Variants in RASGEF1A observed in about 807,000 individuals in gnomAD.
RASGEF1A encodes RasGEF domain family member 1A, also known as ras-GEF domain-containing family member 1A.
In RASGEF1A, 18 loss-of-function variants were observed where a neutral mutation model predicts 56.4. The observed-to-expected ratio is 0.32, with a 90% confidence interval of 0.22 to 0.47. RASGEF1A has a LOEUF of 0.47. RASGEF1A is among the 20% of genes least tolerant of loss of function. The probability of loss-of-function intolerance (pLI) is 1.00; values close to 1 mark genes in which losing one functional copy is unlikely to be tolerated. For synonymous variants in RASGEF1A, 245 were observed against 242.6 expected, an observed-to-expected ratio of 1.01 and a Z score of -0.09; for missense variants, 422 against 627.1, an observed-to-expected ratio of 0.67 and a Z score of 3.49.
intron 1 of RASGEF1A, among the ~76,000 whole-genome samples, chr10:43,230,306 A>G (rs1310338901): frequency 6.6e-6 from 1 of 152,124 alleles, no homozygotes; most frequent in Non-Finnish European, 1.5e-5. Flanking sequence ...GGGACACGGC[A>G]GCTGCTTTTG....
rs118022429 is a variant in RASGEF1A, at chr10:43,216,173, C to T, written c.-6-10051G>A. Among the ~76,000 whole-genome samples, 1,345 of 152,278 alleles carry T rather than the reference C, an allele frequency of 8.8e-3. 11 individuals are homozygous for T. The highest frequency in any genetic ancestry group is 0.013 in the Admixed American group (202 of 15,304). ...AGGCTGCCCCCCAACCTGGCCTGGT[C>T]CCCACCCTGCCAGGAGCGGGGGCGC... On this transcript the variant is annotated intron_variant, in intron 1 of 12. Transcript: ENST00000395810.
intron 1 of RASGEF1A, among the ~76,000 whole-genome samples, chr10:43,211,937 G>A (rs559842476): frequency 6.6e-6 from 1 of 152,320 alleles, no homozygotes; most frequent in South Asian, 2.1e-4. Flanking sequence ...GGAAGCTAGT[G>A]CGGTTGTGTG....
chr10:43,228,489 C>T (rs1016250112), intron 1 of RASGEF1A, among the ~76,000 whole-genome samples: 1 of 152,204 alleles, frequency 6.6e-6, no homozygotes, highest in Admixed American at 6.5e-5. Context: ...CATTTAAATG[C>T]CAGTGCAGGG....
At chr10:43,229,740 C>A in intron 1 of RASGEF1A, 1 of 1,334,390 alleles carries the variant, frequency 7.5e-7, no homozygotes, top group South Asian at 1.8e-5. Flanking sequence ...AGCAAGCACC[C>A]ACTCCTGCGC....
At chr10:43,230,027 C>T (rs957474306) in intron 1 of RASGEF1A, among the ~76,000 whole-genome samples, 2 of 151,798 alleles carry the variant, frequency 1.3e-5, no homozygotes, top group African/African-American at 4.8e-5. Context: ...CTGGACGGGG[C>T]GTCCGGGATC....
intron 1 of RASGEF1A, among the ~76,000 whole-genome samples, chr10:43,235,930 C>A (rs1840425873): frequency 1.3e-5 from 2 of 152,060 alleles, no homozygotes. Flanking sequence ...CCAACAGGGA[C>A]CCCTCCCATC....
At chr10:43,200,589 G>T in intron 5 of RASGEF1A, 78 bp downstream of exon 5, 2 of 1,281,414 alleles carry the variant, frequency 1.6e-6, no homozygotes, top group Non-Finnish European at 2.2e-6. Context: ...GACTAGCAGG[G>T]GCCTGAAGTG....
chr10:43,203,548 C>T, intron 2 of RASGEF1A, 128 bp from the exon 3 acceptor site: 1 of 1,390,018 alleles, frequency 7.2e-7, no homozygotes, highest in Non-Finnish European at 9.5e-7. Flanking sequence ...CATGCCTTCA[C>T]CTGCCCGGTT....
At chr10:43,201,696 G>C in intron 4 of RASGEF1A, 112 bp downstream of exon 4, 2 of 1,163,536 alleles carry the variant, frequency 1.7e-6, no homozygotes, top group Non-Finnish European at 1.1e-6. Flanking sequence ...CCTCCTGGGG[G>C]AGTAACATGG....
In RASGEF1A at chr10:43,203,371, G is replaced by A. The variant is rs759468392; in HGVS notation, c.248C>T (p.Pro83Leu). ...CCCCACGCGGGCCAGCAGGTCATGAGGGGGCATAAAGACCCGGGAGCTCAG... is the reference window on the plus strand; with the variant it reads ...CCCCACGCGGGCCAGCAGGTCATGAAGGGGCATAAAGACCCGGGAGCTCAG... ...FLLSSRVFMP[P>L]HDLLARVGQI... is the part of the protein sequence containing the mutation. Residue 83 changes from proline to leucine, a missense_variant, in exon 3 of 13, where the codon CCT becomes CTT. Around this residue, in one of 2 missense-constraint regions of RASGEF1A, gnomAD observed 273 missense variants for 339.9 expected, o/e 0.80. Coordinates refer to ENST00000395810, the MANE Select transcript of RASGEF1A (RefSeq NM_145313.4). The A allele has an allele frequency of 6.3e-7, 1 of 1,588,416 alleles. No individual in the cohort carries two copies. Among genetic ancestry groups the A allele is most frequent in the East Asian group, 2.3e-5 (1 of 43,652 alleles).
chr10:43,266,172 T>G (rs1836619417), intron 1 of RASGEF1A, among the ~76,000 whole-genome samples: 1 of 152,054 alleles, frequency 6.6e-6, no homozygotes, highest in Non-Finnish European at 1.5e-5. Flanking sequence ...AGCAGGGGAC[T>G]CCCGCCCCCA....
intron 1 of RASGEF1A, among the ~76,000 whole-genome samples, chr10:43,255,906 G>C (rs1206502521): frequency 6.6e-6 from 1 of 152,212 alleles, no homozygotes; most frequent in Non-Finnish European, 1.5e-5. Flanking sequence ...CACCAGTCTA[G>C]AGTGGGGGTG....
At chr10:43,260,130 C>G (rs1016157588) in intron 1 of RASGEF1A, among the ~76,000 whole-genome samples, 2 of 152,214 alleles carry the variant, frequency 1.3e-5, no homozygotes, top group Non-Finnish European at 2.9e-5. Context: ...AAACGCCCAG[C>G]AGAGCCCTTG....
At chr10:43,266,786 C>T (rs1261636656) in intron 1 of RASGEF1A, 59 bp downstream of exon 1, 2 of 146,026 alleles carry the variant, frequency 1.4e-5, no homozygotes, top group Non-Finnish European at 1.5e-5. Context: ...GACCGGAGGG[C>T]ACGGCCCCAG....
intron 1 of RASGEF1A, among the ~76,000 whole-genome samples, chr10:43,260,220 C>T (rs1013610828): frequency 6.6e-5 from 10 of 152,194 alleles, no homozygotes; most frequent in Non-Finnish European, 1.5e-4. Flanking sequence ...ACCCAGAGCC[C>T]CCAGGCACAT....
At chr10:43,225,575 G>C (rs113554765) in intron 1 of RASGEF1A, among the ~76,000 whole-genome samples, 4,364 of 141,756 alleles carry the variant, frequency 0.031, 139 homozygotes, top group African/African-American at 0.082. Flanking sequence ...GTCTGTGTAT[G>C]GGTGTGTGTG....
At chr10:43,225,267 G>T (rs1363873436) in intron 1 of RASGEF1A, among the ~76,000 whole-genome samples, 1 of 105,496 alleles carries the variant, frequency 9.5e-6, no homozygotes, top group Non-Finnish European at 1.9e-5. Context: ...TGGGGGGGGG[G>T]TCTCTGTGTC....
chr10:43,203,552 C>T (rs560400967), intron 2 of RASGEF1A, 132 bp from the exon 3 acceptor site: 29 of 1,378,686 alleles, frequency 2.1e-5, no homozygotes, highest in Non-Finnish European at 2.6e-5. Flanking sequence ...CCTTCACCTG[C>T]CCGGTTCCCT....
intron 1 of RASGEF1A, among the ~76,000 whole-genome samples, chr10:43,232,021 C>A (rs1463615058): frequency 2.0e-5 from 3 of 152,256 alleles, no homozygotes; most frequent in African/African-American, 7.2e-5. Context: ...CTGACCAGAG[C>A]AACAGAGCCT....
Sources: allele counts gnomAD v4.1 joint callset (sites outside exome capture counted in the v4.1 genomes callset), GRCh38; gene constraint gnomAD v4.1.1; regional missense constraint gnomAD v4.1.1; transcripts MANE v1.5; gene names NCBI Gene and HGNC (gene_info 2026-07-23, HGNC 2026-07-21).